Variants in FMNL2 observed in about 807,000 individuals in gnomAD.
FMNL2 encodes the protein formin like 2, also known as formin-like protein 2.
In FMNL2, 51 loss-of-function variants were observed where a neutral mutation model predicts 130.2. That is an observed-to-expected ratio of 0.39 (90% confidence interval 0.31 to 0.49). The LOEUF (loss-of-function observed/expected upper bound fraction) is 0.49. Ranked by LOEUF, FMNL2 falls within the 20% of genes least tolerant of loss-of-function variation. The probability of loss-of-function intolerance (pLI) is 0.85; values close to 1 mark genes in which losing one functional copy is unlikely to be tolerated. For missense variants in FMNL2, 977 were observed against 1,316.2 expected (o/e 0.74, Z 3.99); for synonymous variants, 465 against 467.1 (o/e 1.00, Z 0.06).
intron 2 of FMNL2, among the ~76,000 whole-genome samples, chr2:152,540,156 T>C (rs921579374): frequency 2.0e-5 from 3 of 152,170 alleles, no homozygotes; most frequent in East Asian, 1.9e-4. Flanking sequence ...TATTCTGATA[T>C]GTGTTTGGCA....
chr2:152,635,849 G>C (rs1021032206), intron 21 of FMNL2, among the ~76,000 whole-genome samples: 2 of 152,202 alleles, frequency 1.3e-5, no homozygotes, highest in African/African-American at 4.8e-5. Context: ...CCGACAAAAG[G>C]CTGCCCCCTG....
chr2:152,398,350 G>T (rs1685511376), intron 1 of FMNL2, among the ~76,000 whole-genome samples: 1 of 152,168 alleles, frequency 6.6e-6, no homozygotes, highest in South Asian at 2.1e-4. Flanking sequence ...GTCCTCATCT[G>T]TAAAATAAGA....
intron 2 of FMNL2, among the ~76,000 whole-genome samples, chr2:152,530,214 C>T (rs1460974834): frequency 6.6e-6 from 1 of 152,140 alleles, no homozygotes; most frequent in Non-Finnish European, 1.5e-5. Context: ...AAAATCATTG[C>T]TAAGCAAATT....
chr2:152,475,642 A>G (rs1158675098), intron 1 of FMNL2, among the ~76,000 whole-genome samples: 2 of 151,782 alleles, frequency 1.3e-5, no homozygotes, highest in African/African-American at 4.8e-5. Flanking sequence ...TTGCAGGTGC[A>G]CACCACCACA....
intron 1 of FMNL2, among the ~76,000 whole-genome samples, chr2:152,445,415 A>G (rs1053727335): frequency 2.3e-4 from 35 of 152,190 alleles, no homozygotes; most frequent in African/African-American, 7.7e-4. Flanking sequence ...CTAGACCACT[A>G]TTGTCCAATG....
At chr2:152,630,706 G>T (rs1280530800) in intron 20 of FMNL2, among the ~76,000 whole-genome samples, 1 of 152,166 alleles carries the variant, frequency 6.6e-6, no homozygotes, top group African/African-American at 2.4e-5. Context: ...GTCTGTTTCA[G>T]GTCTTCACAG....
intron 21 of FMNL2, among the ~76,000 whole-genome samples, chr2:152,633,012 C>T (rs1682279406): frequency 6.6e-6 from 1 of 152,044 alleles, no homozygotes; most frequent in South Asian, 2.1e-4. Context: ...TGTGTTCTCA[C>T]TAAAGAACAC....
In FMNL2 at chr2:152,648,012, C is replaced by T; in HGVS notation, c.*107C>T. 1 of 956,546 alleles carries T rather than the reference C, an allele frequency of 1.0e-6. No homozygotes were observed. Among genetic ancestry groups the T allele is most frequent in the Non-Finnish European group, 1.6e-6 (1 of 642,476 alleles). 59.3% of individuals were successfully genotyped at this position (956,546 alleles called of 1,614,324 possible). A position where few individuals can be genotyped will look rare whatever the true frequency, so the allele number is the denominator to read the frequency against. ...AGCCTTGAACACACACAAAAATATT[C>T]TTAAGGGCTCAGATTTAGCAAACAC... On this transcript the variant is annotated 3_prime_UTR_variant, in exon 26 of 26. Transcript: ENST00000288670.
At chr2:152,453,044 A>G (rs1339839776) in intron 1 of FMNL2, among the ~76,000 whole-genome samples, 1 of 152,076 alleles carries the variant, frequency 6.6e-6, no homozygotes, top group Non-Finnish European at 1.5e-5. Context: ...TCTACTAAAA[A>G]TACAAAAATT....
At chr2:152,623,667 C>G (rs930186618) in intron 15 of FMNL2, among the ~76,000 whole-genome samples, 5 of 152,230 alleles carry the variant, frequency 3.3e-5, no homozygotes, top group African/African-American at 1.2e-4. Flanking sequence ...AAGTTCTCCT[C>G]CCTGTCTTGC....
At chr2:152,604,594 A>C (rs1294578109) in intron 9 of FMNL2, among the ~76,000 whole-genome samples, 7 of 151,530 alleles carry the variant, frequency 4.6e-5, no homozygotes, top group Non-Finnish European at 8.8e-5. Flanking sequence ...AACAAGACCA[A>C]AGTACACTGT....
At position 152,549,116 on chromosome 2, in the gene FMNL2, C is replaced by T; in HGVS notation, c.359+19C>T. ...ACATTGGGTAAGTATACCCCTTTAACATCTTAGCTCTAAAGCTTTTGGACA... is the reference window on the plus strand; with the variant it reads ...ACATTGGGTAAGTATACCCCTTTAATATCTTAGCTCTAAAGCTTTTGGACA... On this transcript the variant is annotated intron_variant, in intron 4 of 25. Coordinates refer to ENST00000288670, the MANE Select transcript of FMNL2 (RefSeq NM_052905.4). 1.3e-6 allele frequency: 2 copies of T among 1,535,826 alleles called. No individual in the cohort carries two copies. The highest frequency in any genetic ancestry group is 2.3e-5 in the East Asian group (1 of 43,566).
intron 1 of FMNL2, among the ~76,000 whole-genome samples, chr2:152,479,774 G>A (rs1378276045): frequency 3.7e-5 from 5 of 135,528 alleles, no homozygotes; most frequent in South Asian, 2.5e-4. Context: ...GCAGTGTCGC[G>A]ATCTCGGCTC....
chr2:152,439,115 G>GTGTGTGTGTGT (rs1558864449), intron 1 of FMNL2, among the ~76,000 whole-genome samples: 1 of 144,434 alleles, frequency 6.9e-6, no homozygotes, highest in African/African-American at 2.5e-5. Context: ...GTGTGTGTGT[G>GTGTGTGTGTGT]GCAATAGCTA....
chr2:152,446,052 T>G (rs1032053184), intron 1 of FMNL2, among the ~76,000 whole-genome samples: 1 of 152,336 alleles, frequency 6.6e-6, no homozygotes, highest in South Asian at 2.1e-4. Flanking sequence ...CCAGTTTTAC[T>G]AATTTGTTCT....
intron 1 of FMNL2, among the ~76,000 whole-genome samples, chr2:152,514,896 G>A (rs150741532): frequency 3.9e-5 from 6 of 152,140 alleles, no homozygotes; most frequent in South Asian, 2.1e-4. Context: ...ATACATTATC[G>A]AATTTAATTT....
intron 1 of FMNL2, among the ~76,000 whole-genome samples, chr2:152,338,394 A>G (rs13034665): frequency 0.48 from 73,611 of 151,900 alleles, 19,829 homozygotes; most frequent in Non-Finnish European, 0.62. Context: ...AAGGCCTCAG[A>G]GAGAAGTAAA....
At chr2:152,585,938 A>G (rs1407285563) in intron 9 of FMNL2, among the ~76,000 whole-genome samples, 3 of 140,958 alleles carry the variant, frequency 2.1e-5, no homozygotes, top group East Asian at 2.0e-4. Flanking sequence ...AAAAAAAAAA[A>G]TGCTTCCTTC....
intron 1 of FMNL2, among the ~76,000 whole-genome samples, chr2:152,404,558 G>A (rs1423773633): frequency 6.6e-6 from 1 of 152,282 alleles, no homozygotes; most frequent in East Asian, 1.9e-4. Flanking sequence ...CATATTTGGA[G>A]TGACCTGGAA....
Sources: allele counts gnomAD v4.1 joint callset (sites outside exome capture counted in the v4.1 genomes callset), GRCh38; gene constraint gnomAD v4.1.1; transcripts MANE v1.5; gene names NCBI Gene and HGNC (gene_info 2026-07-23, HGNC 2026-07-21).